Variants in CMPK2 observed in about 807,000 individuals in gnomAD.
CMPK2 encodes the protein cytidine/uridine monophosphate kinase 2, also known as UMP-CMP kinase 2, mitochondrial.
Under a neutral mutation model 33.4 loss-of-function variants are expected in CMPK2, and 32 were observed. The ratio of observed to expected loss-of-function variants is 0.96; its 90% CI spans 0.72 to 1.29. The LOEUF is 1.29. Ranked by LOEUF, CMPK2 falls within the 50% of genes most tolerant of loss-of-function variation. CMPK2 has a pLI of 0.00. For missense variants in CMPK2, 672 were observed against 616.0 expected (o/e 1.09, Z -0.96); for synonymous variants, 299 against 275.3 (o/e 1.09, Z -0.85).
At chr2:6,861,421 A>G (rs923210453) in intron 2 of CMPK2, 36 bp from the exon 3 acceptor site, 6 of 1,528,900 alleles carry the variant, frequency 3.9e-6, no homozygotes, top group South Asian at 1.1e-5. Flanking sequence ...CATCTTAACC[A>G]CAGCCCCAAA....
At chr2:6,858,755 C>T (rs1558325621) in intron 3 of CMPK2, among the ~76,000 whole-genome samples, 1 of 152,202 alleles carries the variant, frequency 6.6e-6, no homozygotes, top group Non-Finnish European at 1.5e-5. Flanking sequence ...GTAAATTGCC[C>T]AGTCTCGTGT....
At chr2:6,864,943 G>T in intron 1 of CMPK2, 79 bp downstream of exon 1, 1 of 1,347,782 alleles carries the variant, frequency 7.4e-7, no homozygotes, top group Non-Finnish European at 9.6e-7. Flanking sequence ...CGGCTCTACA[G>T]ACCAGCCTCT....
downstream of CMPK2, among the ~76,000 whole-genome samples, chr2:6,846,622 A>G (rs1662368944): frequency 6.6e-6 from 1 of 152,218 alleles, no homozygotes; most frequent in Non-Finnish European, 1.5e-5. Context: ...AAAGATTGCA[A>G]GTCTTTGTGC....
chr2:6,851,722 A>G (rs780750427), intron 3 of CMPK2, 39 bp from the exon 4 acceptor site: 23 of 1,587,572 alleles, frequency 1.4e-5, no homozygotes, highest in Non-Finnish European at 2.0e-5. Context: ...TGTCTGCAGA[A>G]GAAGTCAAAG....
In CMPK2 at chr2:6,848,417, T is replaced by C. The variant is rs1662417027; in HGVS notation, c.*1433A>G. The C allele has an allele frequency of 1.0e-6, 1 of 983,852 alleles. No homozygotes were observed. The highest frequency in any genetic ancestry group is 1.2e-6 in the Non-Finnish European group (1 of 828,660). The allele number at this position is 983,852 out of a possible 1,614,324, so 60.9% of individuals were successfully genotyped here. A position where few individuals can be genotyped will look rare whatever the true frequency, so the allele number is the denominator to read the frequency against. Reference sequence around the variant, plus strand: ...TGCCAGTATAAGCTTTTCAAAATGTTTAAAGTAAATAAAACCAATAATACA... The same window carrying C: ...TGCCAGTATAAGCTTTTCAAAATGTCTAAAGTAAATAAAACCAATAATACA... On this transcript the variant is annotated 3_prime_UTR_variant, in exon 5 of 5. Coordinates refer to ENST00000256722, the MANE Select transcript of CMPK2 (RefSeq NM_207315.4).
chr2:6,865,389 C>T lies in CMPK2; in HGVS notation c.308G>A (p.Arg103His). 1 of 1,370,892 alleles carries T rather than the reference C, an allele frequency of 7.3e-7. No homozygotes were observed. The highest frequency in any genetic ancestry group is 3.8e-5 in the Admixed American group (1 of 26,090). The allele number at this position is 1,370,892 out of a possible 1,614,324, so 84.9% of individuals were successfully genotyped here. ...RLHQRLLHQL[R>H]RGPFQRCQLL... Reference sequence around the variant, plus strand: ...CTGGCACCGCTGGAAGGGGCCGCGGCGCAGCTGGTGCAGCAGGCGCTGGTG... The same window carrying T: ...CTGGCACCGCTGGAAGGGGCCGCGGTGCAGCTGGTGCAGCAGGCGCTGGTG... Residue 103 changes from arginine to histidine, a missense_variant, in exon 1 of 5, where the codon CGC becomes CAC. Coordinates refer to ENST00000256722, the MANE Select transcript of CMPK2 (RefSeq NM_207315.4).
intron 1 of CMPK2, among the ~76,000 whole-genome samples, 199 bp from the exon 2 acceptor site, chr2:6,863,777 C>T (rs1016285354): frequency 1.5e-4 from 23 of 152,208 alleles, no homozygotes; most frequent in African/African-American, 5.5e-4. Flanking sequence ...AGCCGAGGCT[C>T]GAAACAGCTG....
downstream of CMPK2, among the ~76,000 whole-genome samples, chr2:6,843,382 C>T (rs373375917): frequency 1.0e-3 from 154 of 152,218 alleles, no homozygotes; most frequent in African/African-American, 3.6e-3. Context: ...TTCTGTACCC[C>T]TAATAGTGGA....
intron 3 of CMPK2, among the ~76,000 whole-genome samples, chr2:6,852,006 G>A (rs1472716586): frequency 6.6e-6 from 1 of 152,166 alleles, no homozygotes; most frequent in Non-Finnish European, 1.5e-5. Flanking sequence ...AAGAATGGAG[G>A]GTGACAGGGG....
At chr2:6,852,517 C>A (rs1662555010) in intron 3 of CMPK2, among the ~76,000 whole-genome samples, 1 of 152,128 alleles carries the variant, frequency 6.6e-6, no homozygotes, top group South Asian at 2.1e-4. Flanking sequence ...TCCTAGGAAG[C>A]CCCCAAACAG....
chr2:6,855,097 T>C (rs1446958181), intron 3 of CMPK2, among the ~76,000 whole-genome samples: 2 of 150,924 alleles, frequency 1.3e-5, no homozygotes, highest in African/African-American at 4.9e-5. Flanking sequence ...GGGTATTAGG[T>C]TGGTGCAAAA....
chr2:6,845,380 T>C (rs988913177), downstream of CMPK2, among the ~76,000 whole-genome samples: 1 of 152,112 alleles, frequency 6.6e-6, no homozygotes, highest in Non-Finnish European at 1.5e-5. Flanking sequence ...TAATAAGAGA[T>C]GGGAGACAAG....
downstream of CMPK2, among the ~76,000 whole-genome samples, chr2:6,844,790 A>G (rs1302529437): frequency 6.6e-6 from 1 of 152,210 alleles, no homozygotes; most frequent in African/African-American, 2.4e-5. Context: ...TTGGCTTAAA[A>G]GTAGCATAGC....
intron 3 of CMPK2, among the ~76,000 whole-genome samples, chr2:6,860,488 G>A (rs1662839334): frequency 6.6e-6 from 1 of 152,166 alleles, no homozygotes; most frequent in South Asian, 2.1e-4. Context: ...TCTCATGATT[G>A]TGAATAAGTC....
Position 6,861,375 on chromosome 2 carries a change from C to T in CMPK2, c.801G>A (p.Thr267=), listed in dbSNP as rs758576517. The T allele has an allele frequency of 4.8e-5, 77 of 1,613,884 alleles. 2 individuals are homozygous for T. The South Asian group carries it at 5.5e-4, about 12-fold the overall frequency. ...IEGLDATGKT[T]VTQSVADSLK... ...GTGAATCTGCCACTGACTGGGTCAC[C>T]GTGGTTTTACCTGCAGGTCATACAC... Residue 267 remains threonine, a synonymous_variant, in exon 3 of 5, where the codon ACG becomes ACA. Coordinates refer to ENST00000256722, the MANE Select transcript of CMPK2 (RefSeq NM_207315.4).
chr2:6,854,330 C>A (rs1398842568), intron 3 of CMPK2, among the ~76,000 whole-genome samples: 1 of 152,146 alleles, frequency 6.6e-6, no homozygotes. Flanking sequence ...GATTAAGACT[C>A]CAACCTTAAC....
Position 6,850,984 on chromosome 2 carries a change from T to G in CMPK2, c.1226+466A>C, listed in dbSNP as rs1242447447. ...GAATAGTTATGTACATTTAGACAAATCACTTAATCCTTTGAGCCTTAAAGT... is the reference window on the plus strand; with the variant it reads ...GAATAGTTATGTACATTTAGACAAAGCACTTAATCCTTTGAGCCTTAAAGT... On this transcript the variant is annotated intron_variant, in intron 4 of 4. Transcript: ENST00000256722. The G allele has an allele frequency of 8.0e-6, 8 of 1,001,480 alleles. No homozygotes were observed. The African/African-American group carries it at 1.4e-4, about 17-fold the overall frequency. 62.0% of individuals were successfully genotyped at this position (1,001,480 alleles called of 1,614,324 possible).
chr2:6,865,032 A>G lies in CMPK2; in HGVS notation c.665T>C (p.Val222Ala), dbSNP rs1663013695. Residue 222 changes from valine to alanine, a missense_variant, in exon 1 of 5, where the codon GTT becomes GCT. Val to Ala is a moderately conservative substitution (Grantham distance 64, BLOSUM62 0). Transcript: ENST00000256722. ...VFPDREAARA[V>A]LEECTSFIPE... Reference sequence around the variant, plus strand: ...GGACAGAACTCTTACCTCCTCCAAAACGGCCCGGGCGGCTTCCCGGTCCGG... The same window carrying G: ...GGACAGAACTCTTACCTCCTCCAAAGCGGCCCGGGCGGCTTCCCGGTCCGG... The G allele has an allele frequency of 3.5e-6, 5 of 1,427,450 alleles. No individual in the cohort carries two copies. The Admixed American group carries it at 8.8e-5, about 25-fold the overall frequency. 88.4% of individuals were successfully genotyped at this position (1,427,450 alleles called of 1,614,324 possible).
chr2:6,853,843 A>G (rs1008641478), intron 3 of CMPK2, among the ~76,000 whole-genome samples: 14 of 152,068 alleles, frequency 9.2e-5, no homozygotes, highest in Non-Finnish European at 1.6e-4. Flanking sequence ...CAGAGCTTGC[A>G]GTGAGCCGAG....
Sources: allele counts gnomAD v4.1 joint callset (sites outside exome capture counted in the v4.1 genomes callset), GRCh38; gene constraint gnomAD v4.1.1; transcripts MANE v1.5; gene names NCBI Gene and HGNC (gene_info 2026-07-23, HGNC 2026-07-21).